ZBTB40: variants seen among roughly 807,000 people sequenced by gnomAD.
ZBTB40 encodes the protein zinc finger and BTB domain-containing protein 40.
In ZBTB40, 60 loss-of-function variants were observed where a neutral mutation model predicts 117.5. The ratio of observed to expected loss-of-function variants is 0.51; its 90% CI spans 0.41 to 0.63. The LOEUF (loss-of-function observed/expected upper bound fraction) is 0.63. Ranked by LOEUF, ZBTB40 falls within the 30% of genes least tolerant of loss-of-function variation. The pLI, the probability that ZBTB40 is intolerant of heterozygous loss-of-function variation, is 0.00. For synonymous variants in ZBTB40, 525 were observed against 577.1 expected (o/e 0.91, Z 1.29); for missense variants, 1,287 against 1,498.5 (o/e 0.86, Z 2.33).
chr1:22,474,822 G>A lies in ZBTB40; in HGVS notation c.-69-15058G>A, dbSNP rs114326205. ...TAGATAAAGTAATGAACTTCTGTTC[G>A]GTGAAAGCAATGAATAGGGCTCTCC... On this transcript the variant is annotated intron_variant, in intron 1 of 17. Coordinates refer to ENST00000375647, the MANE Select transcript of ZBTB40 (RefSeq NM_014870.4). Among the ~76,000 whole-genome samples the A allele has an allele frequency of 2.8e-3, 428 of 152,136 alleles. 5 individuals are homozygous for A. The highest frequency in any genetic ancestry group is 0.024 in the South Asian group (115 of 4,802).
At position 22,437,161 on chromosome 1, in the gene ZBTB40, G is replaced by A. The variant is rs575834115; in HGVS notation, c.-70+8147G>A. ...ACCCTTAGATTTGTAGAGAAGTGAC[G>A]TCATAGGGCAAATTACTGCCCCAGA... is the stretch of plus-strand genomic sequence containing the variant. On this transcript the variant is annotated intron_variant, in intron 1 of 8. Transcript: ENST00000650433. 2.4e-4 allele frequency among the ~76,000 whole-genome samples: 37 copies of A among 152,240 alleles called. 1 individual carries two copies. Among genetic ancestry groups the A allele is most frequent in the Admixed American group, 2.0e-3 (30 of 15,292 alleles).
chr1:22,491,519 G>C lies in ZBTB40; in HGVS notation c.817G>C (p.Gly273Arg). ...KKLEMCSEIK[G>R]PQKEMIVKCF... ...ACTAGAAATGTGTTCAGAAATTAAA[G>C]GTCCACAGAAGGAGGTAGGCACCTC... The change falls in exon 3 of 18, where the codon GGT (glycine) becomes CGT (arginine). Residue 273 changes from glycine to arginine, a missense_variant. By Grantham distance (125) the Gly-to-Arg change is moderately radical. Around this residue, in one of 2 missense-constraint regions of ZBTB40, gnomAD observed 870 missense variants for 934.4 expected, o/e 0.93. Transcript: ENST00000375647. The C allele has an allele frequency of 6.2e-7, 1 of 1,613,914 alleles. No homozygotes were observed. Among genetic ancestry groups the C allele is most frequent in the Non-Finnish European group, 8.5e-7 (1 of 1,179,906 alleles).
At chr1:22,463,801 C>T (rs1298230480) in intron 1 of ZBTB40, among the ~76,000 whole-genome samples, 3 of 152,176 alleles carry the variant, frequency 2.0e-5, no homozygotes, top group African/African-American at 7.2e-5. Context: ...CAGTTTGTTA[C>T]GCTGAACATT....
At chr1:22,451,421 G>A (rs1213034647), upstream of ZBTB40, among the ~76,000 whole-genome samples, 1 of 152,070 alleles carries the variant, frequency 6.6e-6, no homozygotes, top group Non-Finnish European at 1.5e-5. Flanking sequence ...GATCATCTGG[G>A]CTCAGGAGTT....
At chr1:22,453,022 G>A (rs978158485) in intron 1 of ZBTB40, 2 of 152,220 alleles carry the variant, frequency 1.3e-5, no homozygotes, top group African/African-American at 4.8e-5. Context: ...AGGTGTACTA[G>A]GTTATAGGGC....
chr1:22,502,295 C>A lies in ZBTB40; in HGVS notation c.1025-4C>A, dbSNP rs1325602472. The A allele has an allele frequency of 6.2e-7, 1 of 1,613,108 alleles. No individual in the cohort carries two copies. The highest frequency in any genetic ancestry group is 8.5e-7 in the Non-Finnish European group (1 of 1,179,510). On this transcript the variant is annotated splice_region_variant and splice_polypyrimidine_tract_variant and intron_variant, in intron 4 of 17. Transcript: ENST00000375647. ...TTGTGTGTCTCTAACTCTTTCTCCCCCAGGGAGCACAGAGGAGGGAAAGAC... is the reference window on the plus strand; with the variant it reads ...TTGTGTGTCTCTAACTCTTTCTCCCACAGGGAGCACAGAGGAGGGAAAGAC...
chr1:22,502,474 G>C (rs1284566346), intron 5 of ZBTB40, 33 bp downstream of exon 5: 2 of 1,613,510 alleles, frequency 1.2e-6, no homozygotes, highest in Non-Finnish European at 1.7e-6. Flanking sequence ...CCCTCCTCCT[G>C]AATTCATATA....
chr1:22,489,853 A>G (rs1638572471), intron 1 of ZBTB40, 27 bp from the exon 2 acceptor site: 1 of 1,192,974 alleles, frequency 8.4e-7, no homozygotes, highest in Middle Eastern at 2.7e-4. Context: ...TTGAAGTTTT[A>G]ACCTGGTATT....
At chr1:22,494,180 A>G (rs897869306) in intron 3 of ZBTB40, among the ~76,000 whole-genome samples, 1 of 152,116 alleles carries the variant, frequency 6.6e-6, no homozygotes, top group Non-Finnish European at 1.5e-5. Flanking sequence ...AATGTCTTAT[A>G]ATATCCTGGT....
intron 14 of ZBTB40, 34 bp downstream of exon 14, chr1:22,520,309 C>A (rs1284840348): frequency 1.9e-6 from 3 of 1,548,998 alleles, no homozygotes; most frequent in South Asian, 1.1e-5. Context: ...CTCTTCCCCT[C>A]ACCCCTGACC....
At chr1:22,451,052 G>A (rs1302990216), upstream of ZBTB40, among the ~76,000 whole-genome samples, 1 of 152,170 alleles carries the variant, frequency 6.6e-6, no homozygotes, top group Non-Finnish European at 1.5e-5. Flanking sequence ...AACAGGGAAC[G>A]CATAGTGTGT....
rs1639140235 is a variant in ZBTB40 at position 22,508,615 on chromosome 1, C to T, written c.1583C>T (p.Ser528Phe). ...GCAGTTCTAGAAAAGCAGACTCTCT[C>T]TGCCACAGCCATTTGGCAACTGCTG... The part of the protein sequence containing the change: ...ISAVLEKQTL[S>F]ATAIWQLLLV... The change falls in exon 8 of 18, where the codon TCT (serine) becomes TTT (phenylalanine). Residue 528 changes from serine to phenylalanine, a missense_variant. Ser to Phe is a radical substitution (Grantham distance 155, BLOSUM62 -2). This residue lies in a region of ZBTB40 where 870 missense variants were observed against 934.4 expected (regional missense o/e 0.93). Coordinates refer to ENST00000375647, the MANE Select transcript of ZBTB40 (RefSeq NM_014870.4). 6.2e-7 allele frequency: 1 copy of T among 1,614,118 alleles called. No homozygotes were observed. Among genetic ancestry groups the T allele is most frequent in the African/African-American group, 1.3e-5 (1 of 74,946 alleles).
intron 1 of ZBTB40, among the ~76,000 whole-genome samples, chr1:22,444,485 T>G (rs1229638268): frequency 6.6e-6 from 1 of 152,128 alleles, no homozygotes; most frequent in Admixed American, 6.5e-5. Flanking sequence ...AGAAAAAGCC[T>G]GAAACTGGTG....
chr1:22,467,177 A>G (rs1641276081), intron 1 of ZBTB40, among the ~76,000 whole-genome samples: 2 of 152,210 alleles, frequency 1.3e-5, no homozygotes, highest in African/African-American at 4.8e-5. Context: ...AGGCATAAAC[A>G]TTAACATTTT....
chr1:22,502,263 G>A, intron 4 of ZBTB40, 36 bp from the exon 5 acceptor site: 1 of 1,603,364 alleles, frequency 6.2e-7, no homozygotes, highest in Non-Finnish European at 8.5e-7. Context: ...AAATTGACTA[G>A]CTTCTCTTGT....
intron 12 of ZBTB40, among the ~76,000 whole-genome samples, chr1:22,516,438 A>C (rs1019332743): frequency 6.7e-6 from 1 of 148,320 alleles, no homozygotes; most frequent in Non-Finnish European, 1.5e-5. Flanking sequence ...GGAGGCATCC[A>C]TTACAGATGG....
Position 22,499,845 on chromosome 1 carries a change from A to G in ZBTB40, c.832-1647A>G, listed in dbSNP as rs902561480. Among the ~76,000 whole-genome samples the G allele has an allele frequency of 2.6e-5, 4 of 152,254 alleles. No individual in the cohort carries two copies. In the South Asian group the frequency reaches 8.3e-4, roughly 31 times the overall value. Reference sequence around the variant, plus strand: ...ATCTCTCTAAATAAAAATCTTAAACATATACTTACTACCAGAATTTGTAAT... The same window carrying G: ...ATCTCTCTAAATAAAAATCTTAAACGTATACTTACTACCAGAATTTGTAAT... On this transcript the variant is annotated intron_variant, in intron 3 of 17. Coordinates refer to ENST00000375647, the MANE Select transcript of ZBTB40 (RefSeq NM_014870.4).
At chr1:22,446,604 G>T (rs942565700) in intron 1 of ZBTB40, among the ~76,000 whole-genome samples, 1 of 151,836 alleles carries the variant, frequency 6.6e-6, no homozygotes, top group African/African-American at 2.4e-5. Flanking sequence ...CAGAAACCTT[G>T]CAAGCAGAAG....
At chr1:22,432,127 G>A (rs1007124102) in intron 1 of ZBTB40, among the ~76,000 whole-genome samples, 7 of 152,212 alleles carry the variant, frequency 4.6e-5, no homozygotes, top group East Asian at 1.9e-4. Context: ...TAGACTTTAT[G>A]TGGAGGGTAC....
Sources: allele counts gnomAD v4.1 joint callset (sites outside exome capture counted in the v4.1 genomes callset), GRCh38; gene constraint gnomAD v4.1.1; regional missense constraint gnomAD v4.1.1; transcripts MANE v1.5; gene names NCBI Gene and HGNC (gene_info 2026-07-23, HGNC 2026-07-21).